The following MDN1 variants were observed in gnomAD, a reference collection of about 807,000 sequenced individuals.
MDN1 encodes midasin AAA ATPase 1.
In MDN1, 266 loss-of-function variants were observed where a neutral mutation model predicts 669.2. The observed-to-expected ratio is 0.40, with a 90% confidence interval of 0.36 to 0.44. The LOEUF (loss-of-function observed/expected upper bound fraction) is 0.44. MDN1 is among the 20% of genes least tolerant of loss of function. The pLI is 1.00. For missense variants in MDN1, 5,940 were observed against 6,754.0 expected (o/e 0.88, Z 4.22); for synonymous variants, 2,385 against 2,457.1 (o/e 0.97, Z 0.87).
intron 88 of MDN1, among the ~76,000 whole-genome samples, chr6:89,660,764 T>A (rs560127226): frequency 4.6e-5 from 7 of 152,332 alleles, no homozygotes; most frequent in Admixed American, 1.3e-4. Context: ...ATACATTTTT[T>A]AAAATAGATT....
chr6:89,728,070 C>T (rs1815350030), intron 36 of MDN1, 115 bp from the exon 37 acceptor site: 3 of 1,258,948 alleles, frequency 2.4e-6, no homozygotes, highest in South Asian at 3.0e-5. Flanking sequence ...ACTCTTCCTT[C>T]CTACACCCAA....
chr6:89,796,494 T>A (rs1383419772), intron 2 of MDN1, among the ~76,000 whole-genome samples: 3 of 152,114 alleles, frequency 2.0e-5, no homozygotes, highest in Non-Finnish European at 4.4e-5. Context: ...AAAAGCTAGA[T>A]GATTACACTA....
intron 7 of MDN1, among the ~76,000 whole-genome samples, chr6:89,788,242 G>C (rs1414367439): frequency 6.6e-6 from 1 of 152,144 alleles, no homozygotes; most frequent in African/African-American, 2.4e-5. Flanking sequence ...TGATGGGAGA[G>C]GGCAGGCATG....
chr6:89,728,894 T>C, intron 36 of MDN1, 37 bp downstream of exon 36: 7 of 1,556,558 alleles, frequency 4.5e-6, no homozygotes, highest in African/African-American at 1.4e-5. Context: ...TTACTATCTA[T>C]AGCTATCTCC....
chr6:89,794,752 A>G lies in MDN1; in HGVS notation c.379T>C (p.Phe127Leu). ...GGATTAGCATCTGAACTCTCTAGGA[A>G]AAGTCTTTGAAAGACTGGGGATGTG... The part of the protein sequence containing the change: ...KDTSPVFQRL[F>L]LESSDANPVR... The change falls in exon 3 of 102, where the codon TTC (phenylalanine) becomes CTC (leucine). Residue 127 changes from phenylalanine (F) to leucine (L), a missense_variant. Coordinates refer to ENST00000369393, the MANE Select transcript of MDN1 (RefSeq NM_014611.3). 6.2e-7 allele frequency: 1 copy of G among 1,614,232 alleles called. No individual in the cohort carries two copies. The highest frequency in any genetic ancestry group is 8.5e-7 in the Non-Finnish European group (1 of 1,180,040).
chr6:89,667,980 C>G, intron 84 of MDN1, 34 bp downstream of exon 84: 1 of 1,598,888 alleles, frequency 6.3e-7, no homozygotes, highest in South Asian at 1.1e-5. Context: ...AGAGAGTGAT[C>G]TTCTGTCAAC....
At chr6:89,670,445 T>A (rs1810671960) in intron 83 of MDN1, among the ~76,000 whole-genome samples, 1 of 151,970 alleles carries the variant, frequency 6.6e-6, no homozygotes, top group Admixed American at 6.6e-5. Flanking sequence ...CCCAAACTGC[T>A]GGGATTACAG....
intron 20 of MDN1, among the ~76,000 whole-genome samples, chr6:89,755,319 G>A (rs116272930): frequency 2.0e-3 from 298 of 149,202 alleles, no homozygotes; most frequent in African/African-American, 6.6e-3. Flanking sequence ...TAAGGCTGGC[G>A]TATCACTTGA....
rs1814928469 is a variant in MDN1 at position 89,722,805 on chromosome 6, C to T, written c.5967+150G>A. 2 of 654,518 alleles carry T rather than the reference C, an allele frequency of 3.1e-6. 1 individual carries two copies. Among genetic ancestry groups the T allele is most frequent in the African/African-American group, 3.8e-5 (2 of 52,956 alleles). The allele number at this position is 654,518 out of a possible 1,614,324, so 40.5% of individuals were successfully genotyped here. A position where few individuals can be genotyped will look rare whatever the true frequency, so the allele number is the denominator to read the frequency against. ...AAGCTGCAGCAAGCCAAGATTATGCCATTGCACTCCAGCCTGGGCAACAAG... is the reference window on the plus strand; with the variant it reads ...AAGCTGCAGCAAGCCAAGATTATGCTATTGCACTCCAGCCTGGGCAACAAG... On this transcript the variant is annotated intron_variant, in intron 40 of 101. Transcript: ENST00000369393.
rs765150148 is a variant in MDN1, at chr6:89,790,315, G to C, written c.942C>G (p.Thr314=). The change falls in exon 6 of 102, where the codon ACC becomes ACG. Residue 314 remains threonine (T), a synonymous_variant. Transcript: ENST00000369393. ...LVESVCKSLQ[T]LAMAVASQNA... ...TCTGAGAAGCAACCGCCATAGCCAG[G>C]GTCTGAAGACTTTTGCAGACAGACT... The C allele has an allele frequency of 1.2e-6, 2 of 1,613,926 alleles. No homozygotes were observed. Among genetic ancestry groups the C allele is most frequent in the East Asian group, 2.2e-5 (1 of 44,888 alleles).
intron 9 of MDN1, among the ~76,000 whole-genome samples, chr6:89,783,652 C>T (rs1415203221): frequency 1.3e-5 from 2 of 152,194 alleles, no homozygotes; most frequent in Non-Finnish European, 2.9e-5. Context: ...CTTACACCCC[C>T]TCCCCTTTTG....
chr6:89,720,947 C>A (rs767041572), intron 40 of MDN1, among the ~76,000 whole-genome samples: 1 of 152,060 alleles, frequency 6.6e-6, no homozygotes, highest in African/African-American at 2.4e-5. Context: ...CCAGCCTGGA[C>A]AACACGGCAA....
At position 89,683,171 on chromosome 6, in the gene MDN1, T is replaced by C. The variant is rs778801999; in HGVS notation, c.12063A>G (p.Ala4021=). 2 of 1,614,142 alleles carry C rather than the reference T, an allele frequency of 1.2e-6. No individual in the cohort carries two copies. The highest frequency in any genetic ancestry group is 1.7e-6 in the Non-Finnish European group (2 of 1,180,012). Residue 4021 remains alanine, a synonymous_variant, in exon 73 of 102, where the codon GCA becomes GCG. Coordinates refer to ENST00000369393, the MANE Select transcript of MDN1 (RefSeq NM_014611.3). ...GTTGGGCTAACAGGGTCTCCCTCAG[T>C]GCCCTGTTCAGATTCTGAATGGAAG... ...ELSSIQNLNR[A]LRETLLAQPA...
At chr6:89,811,126 TGGGTGGTG>T (rs1768386931) in intron 1 of MDN1, among the ~76,000 whole-genome samples, 1 of 152,184 alleles carries the variant, frequency 6.6e-6, no homozygotes, top group Admixed American at 6.5e-5. Context: ...ACCCACAATA[TGGGTGGTG>T]CTTTCCTGAA....
chr6:89,792,513 G>GTTT (rs1426013640), intron 5 of MDN1, among the ~76,000 whole-genome samples: 3 of 152,036 alleles, frequency 2.0e-5, no homozygotes, highest in African/African-American at 7.2e-5. Flanking sequence ...TACGTGGGGG[G>GTTT]TAAAGAGGGA....
At position 89,789,790 on chromosome 6, in the gene MDN1, G is replaced by A; in HGVS notation, c.1220C>T (p.Pro407Leu). The A allele has an allele frequency of 6.2e-7, 1 of 1,608,110 alleles. No individual in the cohort carries two copies. The highest frequency in any genetic ancestry group is 2.2e-5 in the East Asian group (1 of 44,782). ...CCTGAGATGACATACCACGTCTAAG[G>A]GGGCATAGTCAATATCCTCCAGAAG... Reference protein sequence around the residue: ...WILLEDIDYAPLDVVSVLIPL... With the variant: ...WILLEDIDYALLDVVSVLIPL... The change falls in exon 7 of 102, where the codon CCC (proline) becomes CTC (leucine). Residue 407 changes from proline (P) to leucine (L), a missense_variant. Physicochemically the swap from Pro to Leu is moderately conservative, Grantham distance 98. Coordinates refer to ENST00000369393, the MANE Select transcript of MDN1 (RefSeq NM_014611.3).
chr6:89,753,339 C>A (rs141985213), intron 22 of MDN1, among the ~76,000 whole-genome samples, 173 bp downstream of exon 22: 4 of 151,588 alleles, frequency 2.6e-5, no homozygotes, highest in Non-Finnish European at 5.9e-5. Context: ...CCAAAGAGCA[C>A]GCTTATTGGA....
intron 16 of MDN1, among the ~76,000 whole-genome samples, chr6:89,762,094 A>C (rs1562192225): frequency 6.6e-6 from 1 of 152,192 alleles, no homozygotes; most frequent in Non-Finnish European, 1.5e-5. Context: ...TTTCTGAGGA[A>C]ATGTGCCTTA....
chr6:89,739,811 C>CT (rs1174288512), intron 32 of MDN1, among the ~76,000 whole-genome samples: 3 of 152,172 alleles, frequency 2.0e-5, no homozygotes, highest in Non-Finnish European at 4.4e-5. Flanking sequence ...CTGGTTGTGA[C>CT]TTTTTTGTCA....
Sources: allele counts gnomAD v4.1 joint callset (sites outside exome capture counted in the v4.1 genomes callset), GRCh38; gene constraint gnomAD v4.1.1; transcripts MANE v1.5; gene names NCBI Gene and HGNC (gene_info 2026-07-23, HGNC 2026-07-21).